Variants in PPL observed in about 807,000 individuals in gnomAD.
The protein encoded by PPL is 190 kDa paraneoplastic pemphigus antigen.
In PPL, 198 loss-of-function variants were observed where a neutral mutation model predicts 194.4. The observed-to-expected ratio is 1.02, with a 90% CI of 0.91 to 1.15. PPL has a LOEUF of 1.15. Ranked by LOEUF, PPL falls within the 50% of genes most tolerant of loss-of-function variation. The pLI is 0.00. For synonymous variants in PPL, 1,220 were observed against 972.4 expected (o/e 1.25, Z -4.74); for missense variants, 2,885 against 2,294.8 (o/e 1.26, Z -5.25).
chr16:4,914,030 C>T (rs948076599), intron 1 of PPL, among the ~76,000 whole-genome samples: 2 of 152,182 alleles, frequency 1.3e-5, no homozygotes, highest in African/African-American at 4.8e-5. Flanking sequence ...TGGGTGGGGA[C>T]AGCGGTGGTC....
intron 18 of PPL, among the ~76,000 whole-genome samples, chr16:4,889,655 C>G (rs970047307): frequency 6.6e-6 from 1 of 152,170 alleles, no homozygotes; most frequent in Non-Finnish European, 1.5e-5. Context: ...AGACACTGTT[C>G]TGCTGTCTGA....
At chr16:4,888,918 A>G in intron 19 of PPL, 60 bp downstream of exon 19, 1 of 1,529,484 alleles carries the variant, frequency 6.5e-7, no homozygotes, top group South Asian at 1.1e-5. Context: ...TTCTCTGACC[A>G]GGGCACGGTG....
rs1027653816 is a variant in PPL at position 4,893,437 on chromosome 16, C to T, written c.1493-67G>A. 176 of 1,589,282 alleles carry T rather than the reference C, an allele frequency of 1.1e-4. No homozygotes were observed. In the Middle Eastern group the frequency reaches 1.8e-3, roughly 17 times the overall value. ...CAGGGGTGTGAGGCCCAGGGATGGA[C>T]CTAGGCAGCCAGCCCCCCGCCGTCT... is the stretch of plus-strand genomic sequence containing the variant. On this transcript the variant is annotated intron_variant, in intron 13 of 21. Transcript: ENST00000345988.
At chr16:4,926,252 C>G (rs2089152187) in intron 1 of PPL, among the ~76,000 whole-genome samples, 1 of 152,194 alleles carries the variant, frequency 6.6e-6, no homozygotes, top group African/African-American at 2.4e-5. Flanking sequence ...ATGCTTGTAA[C>G]TGCTGCAGCC....
Position 4,895,331 on chromosome 16 carries a change from A to C in PPL, c.1172T>G (p.Leu391Arg), listed in dbSNP as rs1296530285. The C allele has an allele frequency of 1.7e-5, 28 of 1,613,176 alleles. No individual in the cohort carries two copies. The highest frequency in any genetic ancestry group is 2.3e-5 in the Non-Finnish European group (27 of 1,179,948). ...GAGCGGAGTCTCCCGGCGGTACTTG[A>C]GGGGCACCACCTGCTGGCCTCGCTT... is the stretch of plus-strand genomic sequence containing the variant. ...LQKRGQQVVP[L>R]KYRRETPLKP... The change falls in exon 11 of 22, where the codon CTC becomes CGC. Residue 391 changes from leucine (L) to arginine (R), a missense_variant. By Grantham distance (102) the Leu-to-Arg change is moderately radical. Transcript: ENST00000345988.
Position 4,887,220 on chromosome 16 carries a change from G to T in PPL, c.2522C>A (p.Ala841Glu). The T allele has an allele frequency of 6.2e-7, 1 of 1,613,402 alleles. No homozygotes were observed. The highest frequency in any genetic ancestry group is 8.5e-7 in the Non-Finnish European group (1 of 1,179,354). ...AACTTCAGTGAACTTGGCGGCAAGT[G>T]CTGCTTCCTGCAGAGAAGAGGATTA... ...PATKVKEEEA[A>E]LAAKFTEVYA... is the part of the protein sequence containing the mutation. Residue 841 changes from alanine (A) to glutamate (E), a missense_variant, in exon 21 of 22, where the codon GCA (alanine) becomes GAA (glutamate). Transcript: ENST00000345988.
chr16:4,912,632 TAATCAGA>T (rs1217039755), intron 1 of PPL, among the ~76,000 whole-genome samples: 1 of 152,278 alleles, frequency 6.6e-6, no homozygotes, highest in Non-Finnish European at 1.5e-5. Flanking sequence ...CTCCCCATTT[TAATCAGA>T]AATCAGAAGC....
At chr16:4,922,718 C>A (rs1211065263) in intron 1 of PPL, among the ~76,000 whole-genome samples, 2 of 152,108 alleles carry the variant, frequency 1.3e-5, no homozygotes. Context: ...AAGCCAAGGC[C>A]TGAAGTTAGA....
At chr16:4,894,730 T>G (rs1412607913) in intron 11 of PPL, 112 bp from the exon 12 acceptor site, 21 of 1,282,882 alleles carry the variant, frequency 1.6e-5, no homozygotes, top group Non-Finnish European at 2.1e-5. Flanking sequence ...GCTCATCACT[T>G]GGACCCTCCC....
chr16:4,890,471 G>T, intron 17 of PPL, 137 bp from the exon 18 acceptor site: 2 of 1,199,432 alleles, frequency 1.7e-6, no homozygotes, highest in South Asian at 1.6e-5. Context: ...AGGGTGGGTG[G>T]TCATTAGGGA....
chr16:4,895,186 C>A (rs959646238), intron 11 of PPL, 75 bp downstream of exon 11: 31 of 1,484,930 alleles, frequency 2.1e-5, no homozygotes, highest in Middle Eastern at 1.8e-4. Context: ...GAGAACGGCG[C>A]CTGAGGCCCG....
intron 21 of PPL, among the ~76,000 whole-genome samples, chr16:4,886,511 G>T (rs1391953056): frequency 6.6e-6 from 1 of 152,254 alleles, no homozygotes; most frequent in Non-Finnish European, 1.5e-5. Flanking sequence ...ACAGACCGCA[G>T]TTTAGCCCAT....
At position 4,885,005 on chromosome 16, in the gene PPL, T is replaced by TGA; in HGVS notation, c.3649_3650insTC (p.Glu1217ValfsTer16). The TGA allele has an allele frequency of 6.2e-7, 1 of 1,613,976 alleles. No individual in the cohort carries two copies. The highest frequency in any genetic ancestry group is 1.1e-5 in the South Asian group (1 of 91,076). On this transcript the variant is annotated frameshift_variant, in exon 22 of 22. Transcript: ENST00000345988. LOFTEE classifies it high-confidence loss of function. This position sits in a 1 kb window ranked among gnomAD's most constrained non-coding sequence, Gnocchi z 6.3. ...CTGGGGGCCTCGCCTCCTGAGGGCCTCCAGCTCACTCTGGTAGCTCCGGAG... is the reference window on the plus strand; with the variant it reads ...CTGGGGGCCTCGCCTCCTGAGGGCCTGACCAGCTCACTCTGGTAGCTCCGGAG...
At chr16:4,899,453 C>G in intron 6 of PPL, 69 bp from the exon 7 acceptor site, 1 of 1,530,074 alleles carries the variant, frequency 6.5e-7, no homozygotes, top group Non-Finnish European at 8.8e-7. Flanking sequence ...CCTTCCCTAC[C>G]TCCTGCAGGG....
At position 4,927,066 on chromosome 16, in the gene PPL, A is replaced by G. The variant is rs148445701; in HGVS notation, c.62+9918T>C. On this transcript the variant is annotated intron_variant, in intron 1 of 21. Transcript: ENST00000345988. ...GGGAAAGCATGATAAATAGGGCACT[A>G]TGGTGGAGTAGGTTCAAACACATTA... Among the ~76,000 whole-genome samples the G allele has an allele frequency of 4.4e-3, 672 of 152,250 alleles. 8 individuals carry two copies. Among genetic ancestry groups the G allele is most frequent in the African/African-American group, 0.014 (577 of 41,546 alleles).
In PPL at chr16:4,895,710, C is replaced by G. The variant is rs74003551; in HGVS notation, c.979G>C (p.Glu327Gln). The change falls in exon 10 of 22, where the codon GAA becomes CAA. Residue 327 changes from glutamate (E) to glutamine (Q), a missense_variant. Transcript: ENST00000345988. Reference sequence around the variant, plus strand: ...AGCTCCTGAGCGTCCTTCACGTCTTCGTGAAACTAGGGGAGAAGGTGGCTC... The same window carrying G: ...AGCTCCTGAGCGTCCTTCACGTCTTGGTGAAACTAGGGGAGAAGGTGGCTC... ...KYMEDYHQFHEDVKDAQELLR... is the reference protein window; with the variant it reads ...KYMEDYHQFHQDVKDAQELLR... 1 of 1,613,882 alleles carries G rather than the reference C, an allele frequency of 6.2e-7. No individual in the cohort carries two copies. The highest frequency in any genetic ancestry group is 1.7e-5 in the Admixed American group (1 of 60,026).
Position 4,885,104 on chromosome 16 carries a change from G to A in PPL, c.3551C>T (p.Ala1184Val), listed in dbSNP as rs962485746. ...VREIVRPDPK[A>V]ESEVANLRLE... ...GCGGAGGTTCGCCACTTCACTTTCC[G>A]CCTTGGGGTCTGGCCGCACGATCTC... The change falls in exon 22 of 22, where the codon GCG becomes GTG. Residue 1184 changes from alanine (A) to valine (V), a missense_variant. By Grantham distance (64) the Ala-to-Val change is moderately conservative. Transcript: ENST00000345988. This position sits in a 1 kb window ranked among gnomAD's most constrained non-coding sequence, Gnocchi z 6.3. 17 of 1,613,666 alleles carry A rather than the reference G, an allele frequency of 1.1e-5. No homozygotes were observed. The highest frequency in any genetic ancestry group is 8.3e-5 in the Admixed American group (5 of 60,000).
chr16:4,935,417 C>A (rs950158255), intron 1 of PPL, among the ~76,000 whole-genome samples: 1 of 152,092 alleles, frequency 6.6e-6, no homozygotes, highest in Non-Finnish European at 1.5e-5. Context: ...GAGGACAGAA[C>A]GGTTCTCCAC....
chr16:4,891,764 C>T (rs1291122936), intron 16 of PPL, 47 bp downstream of exon 16: 1 of 1,557,286 alleles, frequency 6.4e-7, no homozygotes, highest in Admixed American at 1.9e-5. Context: ...GCCAGATGCT[C>T]TCACCTGCTC....
Sources: allele counts gnomAD v4.1 joint callset (sites outside exome capture counted in the v4.1 genomes callset), GRCh38; gene constraint gnomAD v4.1.1; non-coding constraint Gnocchi (gnomAD v3.1); transcripts MANE v1.5; gene names NCBI Gene and HGNC (gene_info 2026-07-23, HGNC 2026-07-21).